Variants in PRKG1 observed in about 807,000 individuals in gnomAD.
PRKG1 encodes cGMP-dependent protein kinase 1.
Under a neutral mutation model 88.1 loss-of-function variants are expected in PRKG1, and 35 were observed. The ratio of observed to expected loss-of-function variants is 0.40; its 90% CI spans 0.30 to 0.53. The LOEUF is 0.53. Among genes scored for constraint, PRKG1 ranks in the 20% least tolerant of loss-of-function variants. The pLI, the probability that PRKG1 is intolerant of heterozygous loss-of-function variation, is 0.59. For missense variants in PRKG1, 540 were observed against 839.8 expected (o/e 0.64, Z 4.41); for synonymous variants, 303 against 292.5 (o/e 1.04, Z -0.37).
chr10:51,585,331 T>A (rs1838146243), intron 3 of PRKG1, among the ~76,000 whole-genome samples: 1 of 152,130 alleles, frequency 6.6e-6, no homozygotes, highest in African/African-American at 2.4e-5. Context: ...AAGCTGATTC[T>A]GGTTGCTAAA....
intron 5 of PRKG1, among the ~76,000 whole-genome samples, chr10:52,039,115 A>T (rs1589547436): frequency 6.6e-6 from 1 of 152,278 alleles, no homozygotes; most frequent in East Asian, 1.9e-4. Context: ...ACCAAATTTC[A>T]TGCACGTCCG....
At chr10:51,792,428 C>T (rs1181800418) in intron 3 of PRKG1, among the ~76,000 whole-genome samples, 2 of 152,086 alleles carry the variant, frequency 1.3e-5, no homozygotes, top group Admixed American at 6.6e-5. Flanking sequence ...TTCTTCCCCA[C>T]TTCGTCAGTC....
At chr10:51,560,165 A>C (rs922068891) in intron 3 of PRKG1, among the ~76,000 whole-genome samples, 4 of 152,112 alleles carry the variant, frequency 2.6e-5, no homozygotes, top group Non-Finnish European at 5.9e-5. Context: ...AAACAAACTC[A>C]TTCCCCTTTT....
At chr10:51,091,413 T>C (rs1844395237) in intron 1 of PRKG1, among the ~76,000 whole-genome samples, 1 of 152,190 alleles carries the variant, frequency 6.6e-6, no homozygotes, top group South Asian at 2.1e-4. Flanking sequence ...CAACCACTAA[T>C]CTGCTTTCTG....
Position 52,295,080 on chromosome 10 carries a change from C to T in PRKG1, c.*1180C>T, listed in dbSNP as rs1303979325. The T allele has an allele frequency of 6.6e-6, 1 of 151,726 alleles. No individual in the cohort carries two copies. The highest frequency in any genetic ancestry group is 1.5e-5 in the Non-Finnish European group (1 of 67,890). The allele number at this position is 151,726 out of a possible 1,614,324, so 9.4% of individuals were successfully genotyped here. ...ACTAGCTTCTTGTCTTAGGCCTGAA[C>T]CAAAAAACAACAAACAAACAAAAAA... is the stretch of plus-strand genomic sequence containing the variant. On this transcript the variant is annotated 3_prime_UTR_variant, in exon 18 of 18. Transcript: ENST00000373980.
intron 4 of PRKG1, among the ~76,000 whole-genome samples, chr10:51,884,173 G>A (rs139749504): frequency 0.022 from 3,282 of 151,848 alleles, 125 homozygotes; most frequent in African/African-American, 0.075. Flanking sequence ...TTGGCCGGGC[G>A]CGGTGGCTCA....
At chr10:51,341,737 A>G in intron 2 of PRKG1, among the ~76,000 whole-genome samples, 1 of 152,188 alleles carries the variant, frequency 6.6e-6, no homozygotes, top group Admixed American at 6.5e-5. Context: ...CATGCTGCTA[A>G]TAAAGACATA....
chr10:51,242,111 T>C (rs1391137358), intron 2 of PRKG1, among the ~76,000 whole-genome samples: 1 of 152,106 alleles, frequency 6.6e-6, no homozygotes, highest in Admixed American at 6.6e-5. Context: ...GCAAGGGAAG[T>C]CGTCCTATAT....
chr10:51,265,801 C>T (rs573567054), intron 2 of PRKG1, among the ~76,000 whole-genome samples: 3 of 152,102 alleles, frequency 2.0e-5, no homozygotes, highest in East Asian at 1.9e-4. Context: ...AACATTAGCC[C>T]GAAAGGATTA....
chr10:51,753,512 A>G lies in PRKG1; in HGVS notation c.593-51073A>G, dbSNP rs1013614036. Among the ~76,000 whole-genome samples, 19 of 152,124 alleles carry G rather than the reference A, an allele frequency of 1.2e-4. 1 individual carries two copies. The highest frequency in any genetic ancestry group is 2.9e-5 in the Non-Finnish European group (2 of 68,012). ...AAGATGATTTTTTTAATTATATTGAATTTCTCGCAATACAATTAGTTTTCC... is the reference window on the plus strand; with the variant it reads ...AAGATGATTTTTTTAATTATATTGAGTTTCTCGCAATACAATTAGTTTTCC... On this transcript the variant is annotated intron_variant, in intron 3 of 17. Coordinates refer to ENST00000373980, the MANE Select transcript of PRKG1 (RefSeq NM_006258.4).
intron 3 of PRKG1, among the ~76,000 whole-genome samples, chr10:51,797,452 T>C (rs1839044231): frequency 6.8e-6 from 1 of 146,190 alleles, no homozygotes; most frequent in Non-Finnish European, 1.5e-5. Context: ...ATATTTATAC[T>C]ATATTTATAA....
chr10:51,901,166 C>T (rs1039617910), intron 4 of PRKG1, among the ~76,000 whole-genome samples: 1 of 152,106 alleles, frequency 6.6e-6, no homozygotes, highest in African/African-American at 2.4e-5. Context: ...CCTTAAGAGT[C>T]AAAAAGTTAT....
At chr10:51,947,125 G>A (rs1159792706) in intron 5 of PRKG1, among the ~76,000 whole-genome samples, 3 of 152,088 alleles carry the variant, frequency 2.0e-5, no homozygotes, top group African/African-American at 4.8e-5. Flanking sequence ...CCCAGTTCGA[G>A]CTTCCCAGCT....
chr10:51,526,931 G>A (rs1841898658), intron 3 of PRKG1, among the ~76,000 whole-genome samples: 1 of 152,126 alleles, frequency 6.6e-6, no homozygotes, highest in Non-Finnish European at 1.5e-5. Context: ...TTGGAGCCAG[G>A]AGTTGGCAAA....
chr10:51,925,795 G>A lies in PRKG1; in HGVS notation c.762+18225G>A, dbSNP rs568420209. Among the ~76,000 whole-genome samples, 35 of 152,126 alleles carry A rather than the reference G, an allele frequency of 2.3e-4. No individual in the cohort carries two copies. The South Asian group carries it at 7.3e-3, about 32-fold the overall frequency. On this transcript the variant is annotated intron_variant, in intron 5 of 17. Coordinates refer to ENST00000373980, the MANE Select transcript of PRKG1 (RefSeq NM_006258.4). ...CATAGTCTGTCTTTCTGATTTTTGG[G>A]GCAGCAGTTTGCTCTGTGACTTTAT...
chr10:51,955,211 T>A (rs1843275349), intron 5 of PRKG1, among the ~76,000 whole-genome samples: 1 of 152,104 alleles, frequency 6.6e-6, no homozygotes, highest in Non-Finnish European at 1.5e-5. Context: ...CTGAGCTCAC[T>A]AGTGGGAAGT....
At chr10:51,544,286 A>G (rs1256475732) in intron 3 of PRKG1, among the ~76,000 whole-genome samples, 3 of 145,420 alleles carry the variant, frequency 2.1e-5, no homozygotes, top group Non-Finnish European at 3.0e-5. Flanking sequence ...ATTCACACCT[A>G]TGAGTGAGAA....
At chr10:52,223,937 T>C (rs72787323) in intron 9 of PRKG1, among the ~76,000 whole-genome samples, 6,928 of 152,230 alleles carry the variant, frequency 0.046, 244 homozygotes, top group South Asian at 0.19. Flanking sequence ...CACTGCAGTC[T>C]AGGCCACATC....
intron 3 of PRKG1, among the ~76,000 whole-genome samples, chr10:51,762,890 A>G (rs1049060384): frequency 6.6e-6 from 1 of 152,170 alleles, no homozygotes; most frequent in African/African-American, 2.4e-5. Context: ...GTACCTGTGT[A>G]TTTCCGTTGT....
Sources: gnomAD v4.1 joint callset for allele counts (sites outside exome capture counted in the v4.1 genomes callset) on GRCh38, gnomAD v4.1.1 for gene constraint, MANE v1.5 for transcripts, NCBI Gene and HGNC (gene_info 2026-07-23, HGNC 2026-07-21) for gene names.